Variants in PDE1C observed in about 807,000 individuals in gnomAD.
The protein encoded by PDE1C is dual specificity calcium/calmodulin-dependent 3',5'-cyclic nucleotide phosphodiesterase 1C.
PDE1C carries 62 observed loss-of-function variants against 93.1 expected under a neutral mutation model. The ratio of observed to expected loss-of-function variants is 0.67; its 90% CI spans 0.54 to 0.82. The LOEUF is 0.82. Ranked by LOEUF, PDE1C falls within the 40% of genes least tolerant of loss-of-function variation. The pLI is 0.00. For missense variants in PDE1C, 742 were observed against 884.6 expected, an observed-to-expected ratio of 0.84 and a Z score of 2.04; for synonymous variants, 325 against 310.1, an observed-to-expected ratio of 1.05 and a Z score of -0.50.
At chr7:31,763,977 T>C (rs116577099) in intron 17 of PDE1C, among the ~76,000 whole-genome samples, 3,378 of 148,360 alleles carry the variant, frequency 0.023, 127 homozygotes, top group African/African-American at 0.077. Flanking sequence ...ATATATTATG[T>C]ATATATTATA....
At chr7:31,717,671 G>C in the PDE1C span, among the ~76,000 whole-genome samples, 1 of 152,156 alleles carries the variant, frequency 6.6e-6, no homozygotes, top group East Asian at 1.9e-4. Context: ...CAAAAATTAA[G>C]CAGGTTCTCA....
At chr7:31,790,938 C>A (rs1271025780) in intron 16 of PDE1C, among the ~76,000 whole-genome samples, 1 of 152,148 alleles carries the variant, frequency 6.6e-6, no homozygotes, top group Non-Finnish European at 1.5e-5. Flanking sequence ...CCACAACAAA[C>A]CCACCATATT....
chr7:31,979,560 C>A (rs1475438454), intron 2 of PDE1C, among the ~76,000 whole-genome samples: 1 of 152,104 alleles, frequency 6.6e-6, no homozygotes, highest in Non-Finnish European at 1.5e-5. Context: ...TGCCCAAGGT[C>A]ACACAGCCAG....
intron 2 of PDE1C, among the ~76,000 whole-genome samples, chr7:31,883,953 T>C: frequency 6.6e-6 from 1 of 152,150 alleles, no homozygotes; most frequent in East Asian, 1.9e-4. Flanking sequence ...CAGGAAGCTG[T>C]AAATAGAAAG....
chr7:32,126,434 C>T (rs1327350021), intron 3 of PDE1C, among the ~76,000 whole-genome samples: 2 of 152,118 alleles, frequency 1.3e-5, no homozygotes, highest in Admixed American at 1.3e-4. Context: ...ATAGCTGTCA[C>T]TCATAAGTAT....
chr7:31,684,041 C>T, the PDE1C span, among the ~76,000 whole-genome samples: 107,583 of 151,958 alleles, frequency 0.71, 38,460 homozygotes, highest in East Asian at 0.82. Context: ...GACTTCAGCA[C>T]TGCACATATG....
intron 16 of PDE1C, among the ~76,000 whole-genome samples, chr7:31,792,654 GCCTGGTCCTCTTTTCACT>G (rs1784717703): frequency 6.6e-6 from 1 of 152,000 alleles, no homozygotes; most frequent in Non-Finnish European, 1.5e-5. Flanking sequence ...TGCAAATCAG[GCCTGGTCCTCTTTTCACT>G]CCACATCCTA....
At chr7:31,674,008 AT>A in the PDE1C span, among the ~76,000 whole-genome samples, 2 of 152,144 alleles carry the variant, frequency 1.3e-5, no homozygotes, top group East Asian at 1.9e-4. Flanking sequence ...CTATGTGTGT[AT>A]TTTTTTGTCT....
At chr7:32,387,711 G>A (rs1294172359) in intron 1 of PDE1C, among the ~76,000 whole-genome samples, 2 of 137,518 alleles carry the variant, frequency 1.5e-5, no homozygotes, top group African/African-American at 2.8e-5. Context: ...CGGACGGGGC[G>A]GCTGGCCGGG....
chr7:31,962,870 C>T lies in PDE1C; in HGVS notation c.129-82010G>A, dbSNP rs1026881046. On this transcript the variant is annotated intron_variant, in intron 2 of 17. Transcript: ENST00000396191. ...ACATGAGAAGTAAGCAGGAACAATA[C>T]GAGAACCAAGACAAGCTACAAGCAG... 9.2e-5 allele frequency among the ~76,000 whole-genome samples: 14 copies of T among 152,198 alleles called. No individual in the cohort carries two copies. The South Asian group carries it at 1.0e-3, about 11-fold the overall frequency.
intron 2 of PDE1C, among the ~76,000 whole-genome samples, chr7:32,187,287 C>G (rs1803945610): frequency 6.6e-6 from 1 of 151,980 alleles, no homozygotes; most frequent in African/African-American, 2.4e-5. Context: ...TGCAGCCATG[C>G]CTGGCTGATA....
chr7:31,908,939 C>T (rs1563014055), intron 2 of PDE1C, among the ~76,000 whole-genome samples: 1 of 152,116 alleles, frequency 6.6e-6, no homozygotes, highest in African/African-American at 2.4e-5. Flanking sequence ...ATAACTGAGG[C>T]GTCTCTGAAA....
chr7:32,303,579 T>A (rs1191088899), upstream of PDE1C, among the ~76,000 whole-genome samples: 1 of 151,950 alleles, frequency 6.6e-6, no homozygotes, highest in Non-Finnish European at 1.5e-5. Flanking sequence ...CTATAGTCCA[T>A]TTTTTTGTTT....
intron 2 of PDE1C, among the ~76,000 whole-genome samples, chr7:32,183,984 A>G (rs1302402582): frequency 6.6e-6 from 1 of 152,234 alleles, no homozygotes; most frequent in East Asian, 1.9e-4. Flanking sequence ...AAAAGTGGGC[A>G]AAGGATATGA....
chr7:31,788,708 T>C (rs547306617), intron 16 of PDE1C: 1 of 152,336 alleles, frequency 6.6e-6, no homozygotes, highest in African/African-American at 2.4e-5. Context: ...GGCCACATTA[T>C]GTGGTGAGGT....
chr7:31,914,411 T>A (rs535827831), intron 2 of PDE1C, among the ~76,000 whole-genome samples: 177 of 152,296 alleles, frequency 1.2e-3, no homozygotes, highest in African/African-American at 4.2e-3. Context: ...TTCATCTATA[T>A]CCAAATGTTA....
chr7:32,350,360 G>T (rs1164502722), intron 1 of PDE1C, among the ~76,000 whole-genome samples: 1 of 151,930 alleles, frequency 6.6e-6, no homozygotes, highest in Admixed American at 6.6e-5. Flanking sequence ...AACATAAAGG[G>T]TCTTTCTTTT....
chr7:32,283,920 C>T (rs1349003492), intron 1 of PDE1C, among the ~76,000 whole-genome samples: 2 of 152,146 alleles, frequency 1.3e-5, no homozygotes, highest in Non-Finnish European at 2.9e-5. Flanking sequence ...AGACTGACTG[C>T]GACCAGAGGA....
At chr7:31,672,837 C>T in the PDE1C span, among the ~76,000 whole-genome samples, 4 of 152,160 alleles carry the variant, frequency 2.6e-5, no homozygotes, top group African/African-American at 9.7e-5. Flanking sequence ...TTATAATTCC[C>T]ATGTGTCGAT....
Sources: gnomAD v4.1 joint callset for allele counts (sites outside exome capture counted in the v4.1 genomes callset) on GRCh38, gnomAD v4.1.1 for gene constraint, MANE v1.5 for transcripts, NCBI Gene and HGNC (gene_info 2026-07-23, HGNC 2026-07-21) for gene names.